Variants in VSIG4 observed in about 807,000 individuals in gnomAD.
VSIG4 encodes the protein V-set and immunoglobulin domain containing 4, also known as V-set and immunoglobulin domain-containing protein 4.
In VSIG4, 34 loss-of-function variants were observed where a neutral mutation model predicts 23.4. The ratio of observed to expected loss-of-function variants is 1.45; its 90% confidence interval spans 1.10 to 1.93. The LOEUF (loss-of-function observed/expected upper bound fraction) is 1.93. VSIG4 is among the 30% of genes most tolerant of loss of function. The pLI is 0.00. For missense variants in VSIG4, 433 were observed against 310.8 expected, an observed-to-expected ratio of 1.39 and a Z score of -2.96; for synonymous variants, 169 against 120.3, an observed-to-expected ratio of 1.41 and a Z score of -2.65.
intron 1 of VSIG4, among the ~76,000 whole-genome samples, chrX:66,038,094 G>A (rs767455511): frequency 4.5e-5 from 5 of 111,256 alleles, no homozygotes; most frequent in African/African-American, 1.6e-4. Context: ...TTTATAAAAT[G>A]TTTCTGAAAT....
At chrX:66,036,956 T>A (rs1367394159) in intron 1 of VSIG4, among the ~76,000 whole-genome samples, 14 of 27,981 alleles carry the variant, frequency 5.0e-4, no homozygotes, top group South Asian at 2.4e-3. Context: ...TATATTATAT[T>A]ATATTATATA....
chrX:66,036,979 A>T (rs1422576585), intron 1 of VSIG4, among the ~76,000 whole-genome samples: 7 of 32,412 alleles, frequency 2.2e-4, no homozygotes, highest in South Asian at 2.2e-3. Context: ...ATATAATATA[A>T]TATATCATAT....
intron 1 of VSIG4, 41 bp from the exon 2 acceptor site, chrX:66,033,871 C>T (rs2085498450): frequency 1.2e-5 from 13 of 1,075,250 alleles, no homozygotes; most frequent in Admixed American, 2.6e-5. Context: ...ACGTAGATGG[C>T]ATACCTACTT....
chrX:66,024,536 C>T (rs1184994888), intron 6 of VSIG4, among the ~76,000 whole-genome samples: 1 of 111,826 alleles, frequency 8.9e-6, no homozygotes, highest in Non-Finnish European at 1.9e-5. Context: ...TTGTTTTCAT[C>T]CTCCAAAATG....
chrX:66,022,096 G>T lies in VSIG4; in HGVS notation c.*167C>A, dbSNP rs2085337762. The T allele has an allele frequency of 2.6e-6, 3 of 1,169,840 alleles. No homozygotes were observed. The highest frequency in any genetic ancestry group is 6.4e-5 in the East Asian group (2 of 31,098). On this transcript the variant is annotated 3_prime_UTR_variant, in exon 8 of 8. Transcript: ENST00000374737. ...ATCCAGCAGCTGGCTTACTTGAGATGCATCTGGCAAATTCCAGGGCAAAGC... is the reference window on the plus strand; with the variant it reads ...ATCCAGCAGCTGGCTTACTTGAGATTCATCTGGCAAATTCCAGGGCAAAGC...
chrX:66,032,745 A>T lies in VSIG4; in HGVS notation c.417T>A (p.Ser139=). Reference sequence around the variant, plus strand: ...CAGTTGTCACTGTGGGCTTGGAGACAGAGACTGCAAAGAAAAGACAAGACA... The same window carrying T: ...CAGTTGTCACTGTGGGCTTGGAGACTGAGACTGCAAAGAAAAGACAAGACA... ...KITELRVQKL[S]VSKPTVTTGS... is the part of the protein sequence containing the mutation. The change falls in exon 3 of 8, where the codon TCT becomes TCA. Residue 139 remains serine, a synonymous_variant. Coordinates refer to ENST00000374737, the MANE Select transcript of VSIG4 (RefSeq NM_007268.3). 1 of 1,209,583 alleles carries T rather than the reference A, an allele frequency of 8.3e-7. No homozygotes were observed. The highest frequency in any genetic ancestry group is 1.7e-5 in the African/African-American group (1 of 57,663).
At chrX:66,027,327 T>A (rs774688712) in intron 5 of VSIG4, 122 bp downstream of exon 5, 6 of 604,091 alleles carry the variant, frequency 9.9e-6, no homozygotes, top group Non-Finnish European at 1.6e-5. Context: ...GACCATTGCT[T>A]GGCACATAGC....
intron 6 of VSIG4, among the ~76,000 whole-genome samples, chrX:66,024,539 C>T (rs1031406623): frequency 7.1e-5 from 8 of 111,894 alleles, no homozygotes; most frequent in Middle Eastern, 4.6e-3. Context: ...TTTTCATCCT[C>T]CAAAATGTGG....
intron 3 of VSIG4, among the ~76,000 whole-genome samples, chrX:66,029,736 G>A (rs1191391225): frequency 9.0e-6 from 1 of 111,535 alleles, no homozygotes; most frequent in East Asian, 2.8e-4. Flanking sequence ...CGAGGTAAAA[G>A]AGAAGGAGGA....
At chrX:66,036,783 T>TAATA (rs2085558612) in intron 1 of VSIG4, among the ~76,000 whole-genome samples, 1 of 39,616 alleles carries the variant, frequency 2.5e-5, no homozygotes, top group African/African-American at 1.3e-4. Context: ...TATATTATAT[T>TAATA]ATATATAATA....
chrX:66,022,252 A>G lies in VSIG4; in HGVS notation c.*11T>C. ...AATTATGTCAGCAGATCCTGGCCTA[A>G]TGGGGCATTTTTAACAGACACTTTT... On this transcript the variant is annotated 3_prime_UTR_variant, in exon 8 of 8. Coordinates refer to ENST00000374737, the MANE Select transcript of VSIG4 (RefSeq NM_007268.3). 2 of 1,212,080 alleles carry G rather than the reference A, an allele frequency of 1.7e-6. No homozygotes were observed. The highest frequency in any genetic ancestry group is 2.2e-6 in the Non-Finnish European group (2 of 895,546).
intron 1 of VSIG4, among the ~76,000 whole-genome samples, chrX:66,038,733 G>A (rs926239444): frequency 9.0e-6 from 1 of 110,872 alleles, no homozygotes; most frequent in East Asian, 2.8e-4. Context: ...TGGCTTGGGG[G>A]CAAATTATTT....
chrX:66,033,538 G>C lies in VSIG4; in HGVS notation c.348C>G (p.Thr116=). Residue 116 remains threonine (T), a synonymous_variant, in exon 2 of 8, where the codon ACC becomes ACG. Transcript: ENST00000374737. ...DDRSHYTCEV[T]WQTPDGNQVV... is the part of the protein sequence containing the mutation. Reference sequence around the variant, plus strand: ...CTTGGTTGCCATCAGGAGTCTGCCAGGTGACTTCACACGTGTAGTGGCTCC... The same window carrying C: ...CTTGGTTGCCATCAGGAGTCTGCCACGTGACTTCACACGTGTAGTGGCTCC... The C allele has an allele frequency of 8.3e-7, 1 of 1,211,583 alleles. No individual in the cohort carries two copies. Among genetic ancestry groups the C allele is most frequent in the Non-Finnish European group, 1.1e-6 (1 of 895,417 alleles).
At chrX:66,024,445 A>G (rs1024376997) in intron 6 of VSIG4, among the ~76,000 whole-genome samples, 6 of 111,601 alleles carry the variant, frequency 5.4e-5, no homozygotes, top group African/African-American at 2.0e-4. Context: ...TTTATTGATG[A>G]CCCCACTCTC....
chrX:66,026,340 C>G (rs1002799018), intron 5 of VSIG4, among the ~76,000 whole-genome samples: 1 of 111,824 alleles, frequency 8.9e-6, no homozygotes, highest in African/African-American at 3.3e-5. Flanking sequence ...TAAGCTGGTA[C>G]AAATCGAAGA....
chrX:66,030,780 A>T (rs993653646), intron 3 of VSIG4, among the ~76,000 whole-genome samples: 12 of 111,958 alleles, frequency 1.1e-4, no homozygotes, highest in African/African-American at 3.9e-4. Flanking sequence ...GTCAGGCAGT[A>T]CATATCGCAG....
chrX:66,033,063 G>A (rs1213514771), intron 2 of VSIG4, among the ~76,000 whole-genome samples: 2 of 111,200 alleles, frequency 1.8e-5, no homozygotes, highest in Non-Finnish European at 1.9e-5. Context: ...GGATTATCAG[G>A]GCCAGACTTT....
chrX:66,039,613 T>A (rs2085659944), intron 1 of VSIG4, among the ~76,000 whole-genome samples: 1 of 112,147 alleles, frequency 8.9e-6, no homozygotes, highest in African/African-American at 3.2e-5. Context: ...AATTGTAGAA[T>A]TTTAGATGAG....
At chrX:66,038,728 T>A (rs1171664978) in intron 1 of VSIG4, among the ~76,000 whole-genome samples, 1 of 111,087 alleles carries the variant, frequency 9.0e-6, no homozygotes, top group Non-Finnish European at 1.9e-5. Context: ...CTCTTTGGCT[T>A]GGGGGCAAAT....
Sources: allele counts gnomAD v4.1 joint callset (sites outside exome capture counted in the v4.1 genomes callset), GRCh38; gene constraint gnomAD v4.1.1; transcripts MANE v1.5; gene names NCBI Gene and HGNC (gene_info 2026-07-23, HGNC 2026-07-21).